GRID2: variants seen among roughly 807,000 people sequenced by gnomAD.
GRID2 encodes glutamate receptor ionotropic, delta-2.
In GRID2, 33 loss-of-function variants were observed where a neutral mutation model predicts 114.8. The ratio of observed to expected loss-of-function variants is 0.29; its 90% CI spans 0.22 to 0.38. GRID2 has a LOEUF of 0.38. GRID2 is among the 10% of genes least tolerant of loss of function. The pLI, the probability that GRID2 is intolerant of heterozygous loss-of-function variation, is 1.00. For synonymous variants in GRID2, 505 were observed against 449.9 expected, an observed-to-expected ratio of 1.12 and a Z score of -1.55; for missense variants, 1,184 against 1,257.7, an observed-to-expected ratio of 0.94 and a Z score of 0.89.
At chr4:92,732,919 G>A (rs182610185) in intron 2 of GRID2, among the ~76,000 whole-genome samples, 3 of 152,210 alleles carry the variant, frequency 2.0e-5, no homozygotes, top group African/African-American at 7.2e-5. Context: ...GCCTAGTACA[G>A]TGACTGACAT....
In GRID2 at chr4:93,539,757, G is replaced by A. The variant is rs571948077; in HGVS notation, c.2193+24346G>A. Among the ~76,000 whole-genome samples the A allele has an allele frequency of 3.3e-5, 5 of 152,072 alleles. No homozygotes were observed. In the South Asian group the frequency reaches 1.0e-3, roughly 32 times the overall value. On this transcript the variant is annotated intron_variant, in intron 13 of 15. Transcript: ENST00000282020. The stretch of plus-strand genomic sequence containing the variant: ...AGAAGTTTGAATGCATTGTTCCATG[G>A]TATCTAATATTTCAGTTGAGATGTC...
At chr4:92,784,563 A>T (rs1739230855) in intron 2 of GRID2, among the ~76,000 whole-genome samples, 1 of 151,932 alleles carries the variant, frequency 6.6e-6, no homozygotes, top group Non-Finnish European at 1.5e-5. Flanking sequence ...TGAGGTTAAA[A>T]ATTAAATTTT....
At chr4:92,640,426 A>T (rs944881225) in intron 2 of GRID2, among the ~76,000 whole-genome samples, 4 of 151,894 alleles carry the variant, frequency 2.6e-5, no homozygotes, top group African/African-American at 9.7e-5. Flanking sequence ...AAACTATTAA[A>T]TGGTAATGTT....
At chr4:93,670,011 G>T (rs2149750797) in intron 14 of GRID2, among the ~76,000 whole-genome samples, 1 of 152,098 alleles carries the variant, frequency 6.6e-6, no homozygotes, top group Non-Finnish European at 1.5e-5. Flanking sequence ...AACTTCCCAG[G>T]ATAAATTAGT....
chr4:93,159,795 G>T lies in GRID2; in HGVS notation c.736-47609G>T, dbSNP rs559411735. Among the ~76,000 whole-genome samples, 5 of 149,216 alleles carry T rather than the reference G, an allele frequency of 3.4e-5. No individual in the cohort carries two copies. In the South Asian group the frequency reaches 1.1e-3, roughly 31 times the overall value. ...GTATTATCAGTACAAATCACTAGAT[G>T]CATCAAATAAAATTGAATTTTGAGT... On this transcript the variant is annotated intron_variant, in intron 4 of 15. Transcript: ENST00000282020.
intron 14 of GRID2, among the ~76,000 whole-genome samples, chr4:93,680,530 T>C (rs866143323): frequency 0.018 from 2,762 of 151,432 alleles, 34 homozygotes; most frequent in Admixed American, 0.026. Flanking sequence ...AAATCCTCAA[T>C]AAAATACTGG....
intron 2 of GRID2, among the ~76,000 whole-genome samples, chr4:92,756,434 C>CTCTGTTTGA (rs1377224939): frequency 2.2e-4 from 34 of 152,088 alleles, no homozygotes; most frequent in African/African-American, 7.2e-4. Context: ...TACATTGATT[C>CTCTGTTTGA]TCTGTTTGAT....
intron 2 of GRID2, among the ~76,000 whole-genome samples, chr4:92,708,803 G>A (rs1735073311): frequency 6.6e-6 from 1 of 152,170 alleles, no homozygotes; most frequent in African/African-American, 2.4e-5. Flanking sequence ...GTGCATGCCT[G>A]TAATCGCAGC....
At chr4:93,492,338 A>C (rs1159742986) in intron 12 of GRID2, among the ~76,000 whole-genome samples, 1 of 151,902 alleles carries the variant, frequency 6.6e-6, no homozygotes, top group Non-Finnish European at 1.5e-5. Context: ...ACTAAAGTTG[A>C]GAGGATAAGT....
intron 14 of GRID2, among the ~76,000 whole-genome samples, chr4:93,746,473 C>G (rs1197587565): frequency 1.3e-5 from 2 of 149,986 alleles, no homozygotes; most frequent in African/African-American, 2.5e-5. Flanking sequence ...CCAACACATA[C>G]AGGCCAATAT....
intron 13 of GRID2, among the ~76,000 whole-genome samples, chr4:93,549,087 CT>C (rs1464539790): frequency 6.6e-6 from 1 of 151,154 alleles, no homozygotes; most frequent in African/African-American, 2.5e-5. Context: ...AAATCTATAG[CT>C]TAAACAATGC....
chr4:92,613,809 A>G (rs1195044738), intron 2 of GRID2, among the ~76,000 whole-genome samples: 1 of 150,290 alleles, frequency 6.7e-6, no homozygotes, highest in African/African-American at 2.4e-5. Flanking sequence ...GATTGTAGTG[A>G]TTTTTCTCCT....
intron 3 of GRID2, among the ~76,000 whole-genome samples, chr4:93,095,555 A>T (rs1353797880): frequency 6.6e-6 from 1 of 152,100 alleles, no homozygotes; most frequent in Non-Finnish European, 1.5e-5. Context: ...CACATAGAAA[A>T]TCCTATGAAA....
chr4:92,781,858 A>G lies in GRID2; in HGVS notation c.244+191572A>G, dbSNP rs569885607. The stretch of plus-strand genomic sequence containing the variant: ...ATGTACATTTTACAGTATGTGTGTT[A>G]TAGCTCAATAAAATTTTAAAATATG... On this transcript the variant is annotated intron_variant, in intron 2 of 15. Transcript: ENST00000282020. Among the ~76,000 whole-genome samples, 5 of 152,238 alleles carry G rather than the reference A, an allele frequency of 3.3e-5. No individual in the cohort carries two copies. The East Asian group carries it at 9.7e-4, about 29-fold the overall frequency.
Position 93,164,167 on chromosome 4 carries a change from A to C in GRID2, c.736-43237A>C, listed in dbSNP as rs1028191776. ...AAACCAAGCCCGGGGGGGGAAAAAA[A>C]AGGTAATTTAGAAAAGAAAATAAAC... On this transcript the variant is annotated intron_variant, in intron 4 of 15. Transcript: ENST00000282020. Among the ~76,000 whole-genome samples, 3 of 152,096 alleles carry C rather than the reference A, an allele frequency of 2.0e-5. No individual in the cohort carries two copies. The South Asian group carries it at 6.2e-4, about 32-fold the overall frequency.
chr4:93,678,951 C>T (rs1287377877), intron 14 of GRID2, among the ~76,000 whole-genome samples: 1 of 150,844 alleles, frequency 6.6e-6, no homozygotes, highest in Non-Finnish European at 1.5e-5. Flanking sequence ...TGTAAACGGA[C>T]TGAATCCTCC....
intron 2 of GRID2, among the ~76,000 whole-genome samples, chr4:92,713,002 T>A (rs1735330020): frequency 6.6e-6 from 1 of 151,952 alleles, no homozygotes; most frequent in African/African-American, 2.4e-5. Context: ...TTTTCTTTTT[T>A]TTTTTTATTA....
At chr4:92,495,258 A>G (rs1723331601) in intron 1 of GRID2, among the ~76,000 whole-genome samples, 3 of 151,924 alleles carry the variant, frequency 2.0e-5, no homozygotes, top group African/African-American at 7.2e-5. Flanking sequence ...CAGTAGGTTT[A>G]TTTTACCTCT....
intron 14 of GRID2, among the ~76,000 whole-genome samples, chr4:93,760,996 A>G (rs897227778): frequency 6.6e-6 from 1 of 152,192 alleles, no homozygotes; most frequent in Non-Finnish European, 1.5e-5. Flanking sequence ...CCAATCTCAG[A>G]ATAAATGCTC....
Sources: gnomAD v4.1 joint callset for allele counts (sites outside exome capture counted in the v4.1 genomes callset) on GRCh38, gnomAD v4.1.1 for gene constraint, MANE v1.5 for transcripts, NCBI Gene and HGNC (gene_info 2026-07-23, HGNC 2026-07-21) for gene names.